TMEM167B: variants seen among roughly 807,000 people sequenced by gnomAD.
The protein encoded by TMEM167B is transmembrane protein 167B, also known as protein kish-B.
TMEM167B carries 2 observed loss-of-function variants against 9.4 expected under a neutral mutation model. The observed-to-expected ratio is 0.21, with a 90% CI of 0.09 to 0.67. TMEM167B has a LOEUF of 0.67. Among genes scored for constraint, TMEM167B ranks in the 30% least tolerant of loss-of-function variants. TMEM167B has a pLI of 0.82. For synonymous variants in TMEM167B, 28 were observed against 32.0 expected, an observed-to-expected ratio of 0.87 and a Z score of 0.42; for missense variants, 68 against 87.6, an observed-to-expected ratio of 0.78 and a Z score of 0.89.
In TMEM167B at chr1:109,096,549, G is replaced by C. The variant is rs1259962302; in HGVS notation, c.*2050G>C. ...GTGGGTCGTCTTGACCCAAACTCTT[G>C]TGTTGTTACATTTTGAGAGGTTTTC... On this transcript the variant is annotated 3_prime_UTR_variant, in exon 3 of 3. Transcript: ENST00000338272. 1 of 152,134 alleles carries C rather than the reference G, an allele frequency of 6.6e-6. No homozygotes were observed. Among genetic ancestry groups the C allele is most frequent in the Non-Finnish European group, 1.5e-5 (1 of 68,020 alleles). The allele number at this position is 152,134 out of a possible 1,614,324, so 9.4% of individuals were successfully genotyped here.
rs1413047980 is a variant in TMEM167B, at chr1:109,094,662, G to A, written c.*163G>A. ...ATATGTGGGGAAAACTCATGGTCAC[G>A]AACATTATTTATGCTTCAGGGGACT... On this transcript the variant is annotated 3_prime_UTR_variant, in exon 3 of 3. Coordinates refer to ENST00000338272, the MANE Select transcript of TMEM167B (RefSeq NM_020141.4). The A allele has an allele frequency of 2.5e-5, 16 of 652,824 alleles. No homozygotes were observed. In the Middle Eastern group the frequency reaches 1.3e-3, roughly 51 times the overall value. The allele number at this position is 652,824 out of a possible 1,614,324, so 40.4% of individuals were successfully genotyped here.
At chr1:109,091,250 G>C (rs1664443367) in intron 1 of TMEM167B, among the ~76,000 whole-genome samples, 1 of 152,174 alleles carries the variant, frequency 6.6e-6, no homozygotes, top group Non-Finnish European at 1.5e-5. Flanking sequence ...CATGCTTTCG[G>C]ACCGTAGTTT....
In TMEM167B at chr1:109,096,788, C is replaced by A. The variant is rs1015294656; in HGVS notation, c.*2289C>A. 3.3e-5 allele frequency: 5 copies of A among 152,162 alleles called. No homozygotes were observed. Among genetic ancestry groups the A allele is most frequent in the African/African-American group, 1.2e-4 (5 of 41,442 alleles). The allele number at this position is 152,162 out of a possible 1,614,324, so 9.4% of individuals were successfully genotyped here. On this transcript the variant is annotated 3_prime_UTR_variant, in exon 3 of 3. Transcript: ENST00000338272. The stretch of plus-strand genomic sequence containing the variant: ...TTTACAGGTGGAGGAATGGGGATAG[C>A]AGTATTGCCTCAGATTCAAACTGGC...
At chr1:109,093,698 T>A (rs2102128289) in intron 2 of TMEM167B, 1 of 152,362 alleles carries the variant, frequency 6.6e-6, no homozygotes, top group East Asian at 1.9e-4. Context: ...AGGTTTGAGT[T>A]AATTAACTCA....
At chr1:109,092,219 A>G (rs972436886) in intron 1 of TMEM167B, among the ~76,000 whole-genome samples, 1 of 152,218 alleles carries the variant, frequency 6.6e-6, no homozygotes, top group Admixed American at 6.5e-5. Flanking sequence ...ATTCTGGCAG[A>G]AATTCGGTTT....
In TMEM167B at chr1:109,096,788, C is replaced by T. The variant is rs1015294656; in HGVS notation, c.*2289C>T. ...TTTACAGGTGGAGGAATGGGGATAG[C>T]AGTATTGCCTCAGATTCAAACTGGC... On this transcript the variant is annotated 3_prime_UTR_variant, in exon 3 of 3. Coordinates refer to ENST00000338272, the MANE Select transcript of TMEM167B (RefSeq NM_020141.4). 1 of 152,162 alleles carries T rather than the reference C, an allele frequency of 6.6e-6. No homozygotes were observed. Among genetic ancestry groups the T allele is most frequent in the Non-Finnish European group, 1.5e-5 (1 of 68,034 alleles). The allele number at this position is 152,162 out of a possible 1,614,324, so 9.4% of individuals were successfully genotyped here.
At position 109,094,575 on chromosome 1, in the gene TMEM167B, T is replaced by G; in HGVS notation, c.*76T>G. 1.4e-6 allele frequency: 2 copies of G among 1,404,910 alleles called. No individual in the cohort carries two copies. Among genetic ancestry groups the G allele is most frequent in the Non-Finnish European group, 2.0e-6 (2 of 993,468 alleles). The allele number at this position is 1,404,910 out of a possible 1,614,324, so 87.0% of individuals were successfully genotyped here. A position where few individuals can be genotyped will look rare whatever the true frequency, so the allele number is the denominator to read the frequency against. ...GAACCTGTTGGAGACCTGAACCCAG[T>G]GTAGGAGAGTTCAGCTGAAATCATC... is the stretch of plus-strand genomic sequence containing the variant. On this transcript the variant is annotated 3_prime_UTR_variant, in exon 3 of 3. Coordinates refer to ENST00000338272, the MANE Select transcript of TMEM167B (RefSeq NM_020141.4).
intron 2 of TMEM167B, chr1:109,093,362 C>T (rs2060335): frequency 0.083 from 19,069 of 229,576 alleles, 1,071 homozygotes; most frequent in South Asian, 0.18. Flanking sequence ...TATGGTGGCA[C>T]GTGCCTGTAG....
chr1:109,093,194 G>A (rs1231121292), intron 2 of TMEM167B, 173 bp downstream of exon 2: 6 of 986,978 alleles, frequency 6.1e-6, no homozygotes, highest in African/African-American at 1.6e-5. Flanking sequence ...TGAGGGAAGA[G>A]GTAAAAGTTA....
chr1:109,092,210 T>C (rs1471737441), intron 1 of TMEM167B, among the ~76,000 whole-genome samples: 1 of 152,222 alleles, frequency 6.6e-6, no homozygotes, highest in East Asian at 1.9e-4. Flanking sequence ...TCTGTTATTA[T>C]TCTGGCAGAA....
chr1:109,090,999 G>A, intron 1 of TMEM167B, 117 bp downstream of exon 1: 1 of 1,290,886 alleles, frequency 7.7e-7, no homozygotes, highest in Non-Finnish European at 1.1e-6. Flanking sequence ...GGCCCCCCTT[G>A]GCCTCTCGAC....
At chr1:109,092,743 C>G in intron 1 of TMEM167B, 147 bp from the exon 2 acceptor site, 1 of 909,104 alleles carries the variant, frequency 1.1e-6, no homozygotes, top group Non-Finnish European at 1.7e-6. Context: ...AGGATCCTGG[C>G]TCCCCCTTGT....
At position 109,095,687 on chromosome 1, in the gene TMEM167B, A is replaced by G. The variant is rs868414676; in HGVS notation, c.*1188A>G. On this transcript the variant is annotated 3_prime_UTR_variant, in exon 3 of 3. Transcript: ENST00000338272. ...ATGAGAGAAGTTGCTGATATTCATC[A>G]GTGTGTTTGGACAGTTCATAGGGTC... 18 of 152,326 alleles carry G rather than the reference A, an allele frequency of 1.2e-4. No homozygotes were observed. Among genetic ancestry groups the G allele is most frequent in the Middle Eastern group, 3.4e-3 (1 of 294 alleles). The allele number at this position is 152,326 out of a possible 1,614,324, so 9.4% of individuals were successfully genotyped here.
chr1:109,092,551 A>G (rs1664472787), intron 1 of TMEM167B, among the ~76,000 whole-genome samples: 1 of 152,050 alleles, frequency 6.6e-6, no homozygotes, highest in Non-Finnish European at 1.5e-5. Context: ...GACCAGTGAC[A>G]TTTTAGTAAA....
chr1:109,096,610 G>A lies in TMEM167B; in HGVS notation c.*2111G>A, dbSNP rs1168361987. 6.6e-6 allele frequency: 1 copy of A among 152,182 alleles called. No homozygotes were observed. Among genetic ancestry groups the A allele is most frequent in the African/African-American group, 2.4e-5 (1 of 41,438 alleles). 9.4% of individuals were successfully genotyped at this position (152,182 alleles called of 1,614,324 possible). On this transcript the variant is annotated 3_prime_UTR_variant, in exon 3 of 3. Coordinates refer to ENST00000338272, the MANE Select transcript of TMEM167B (RefSeq NM_020141.4). ...GTACCAAAAAGTGCACAAGGTAAAG[G>A]TAATTTACAGCCAGAAACAAATATA...
Position 109,091,334 on chromosome 1 carries a change from A to G in TMEM167B, c.10+452A>G, listed in dbSNP as rs575731760. Among the ~76,000 whole-genome samples, 65 of 152,186 alleles carry G rather than the reference A, an allele frequency of 4.3e-4. 1 individual carries two copies. Among genetic ancestry groups the G allele is most frequent in the Non-Finnish European group, 8.1e-4 (55 of 68,032 alleles). On this transcript the variant is annotated intron_variant, in intron 1 of 2. Coordinates refer to ENST00000338272, the MANE Select transcript of TMEM167B (RefSeq NM_020141.4). ...GGGGTTGCTGGTGAATGTAGACCCC[A>G]CAAAAGCTTCTTCTTACGGAAAAAT...
At chr1:109,094,305 C>T in intron 2 of TMEM167B, 112 bp from the exon 3 acceptor site, 1 of 1,047,986 alleles carries the variant, frequency 9.5e-7, no homozygotes, top group East Asian at 2.4e-5. Context: ...CATCCCAGGC[C>T]CTTGAGAGCG....
chr1:109,091,810 G>C (rs559662), intron 1 of TMEM167B: 29,636 of 152,146 alleles, frequency 0.19, 3,171 homozygotes, highest in African/African-American at 0.26. Flanking sequence ...CTTAGTGACA[G>C]CTTAGCTGTG....
intron 2 of TMEM167B, 89 bp from the exon 3 acceptor site, chr1:109,094,328 T>C (rs1664519006): frequency 7.7e-7 from 1 of 1,298,292 alleles, no homozygotes; most frequent in Non-Finnish European, 1.1e-6. Context: ...GATATGTCTG[T>C]CTGTGACTAG....
Sources: allele counts gnomAD v4.1 joint callset (sites outside exome capture counted in the v4.1 genomes callset), GRCh38; gene constraint gnomAD v4.1.1; transcripts MANE v1.5; gene names NCBI Gene and HGNC (gene_info 2026-07-23, HGNC 2026-07-21).